Variants in SOCS6 observed in about 807,000 individuals in gnomAD.
The protein encoded by SOCS6 is suppressor of cytokine signaling 6.
SOCS6 carries 5 observed loss-of-function variants against 27.7 expected under a neutral mutation model. The observed-to-expected ratio is 0.18, with a 90% CI of 0.09 to 0.38. SOCS6 has a LOEUF of 0.38. SOCS6 is among the 10% of genes least tolerant of loss of function. The probability of loss-of-function intolerance (pLI) is 1.00; values close to 1 mark genes in which losing one functional copy is unlikely to be tolerated. For missense variants in SOCS6, 595 were observed against 688.1 expected, an observed-to-expected ratio of 0.86 and a Z score of 1.51; for synonymous variants, 271 against 260.0, an observed-to-expected ratio of 1.04 and a Z score of -0.41.
At chr18:70,292,790 A>G (rs971976737) in intron 1 of SOCS6, among the ~76,000 whole-genome samples, 1 of 152,146 alleles carries the variant, frequency 6.6e-6, no homozygotes, top group African/African-American at 2.4e-5. Flanking sequence ...TCAACAATCT[A>G]AGCTGCTTCC....
chr18:70,307,120 G>A (rs1116263), intron 1 of SOCS6, among the ~76,000 whole-genome samples: 50,245 of 151,924 alleles, frequency 0.33, 9,094 homozygotes, highest in East Asian at 0.73. Flanking sequence ...AAAATTAGCC[G>A]GGTGTGCTGG....
chr18:70,318,389 G>C (rs1910846646), intron 1 of SOCS6, among the ~76,000 whole-genome samples: 1 of 152,056 alleles, frequency 6.6e-6, no homozygotes, highest in Non-Finnish European at 1.5e-5. Context: ...CCCATGCCCG[G>C]GAGCTGTCTT....
intron 1 of SOCS6, among the ~76,000 whole-genome samples, chr18:70,299,837 A>G (rs749043196): frequency 3.9e-5 from 6 of 152,186 alleles, no homozygotes; most frequent in Non-Finnish European, 8.8e-5. Context: ...AAAATAATAT[A>G]ACCATTTATA....
chr18:70,295,018 C>T (rs1179815085), intron 1 of SOCS6, among the ~76,000 whole-genome samples: 2 of 152,138 alleles, frequency 1.3e-5, no homozygotes, highest in Non-Finnish European at 2.9e-5. Context: ...TATCTGAAGG[C>T]CTGGAAGGCA....
chr18:70,303,706 G>A (rs1301036973), intron 1 of SOCS6, among the ~76,000 whole-genome samples: 3 of 152,116 alleles, frequency 2.0e-5, no homozygotes, highest in South Asian at 2.1e-4. Context: ...CAGGAGAATC[G>A]CTTGAACCCG....
chr18:70,304,113 A>G (rs2062359400), intron 1 of SOCS6, among the ~76,000 whole-genome samples: 1 of 152,218 alleles, frequency 6.6e-6, no homozygotes, highest in Admixed American at 6.5e-5. Flanking sequence ...TTTTTAAGAC[A>G]ATAGAAGGGG....
intron 1 of SOCS6, among the ~76,000 whole-genome samples, chr18:70,316,224 A>G (rs2062410829): frequency 6.6e-6 from 1 of 152,074 alleles, no homozygotes; most frequent in Non-Finnish European, 1.5e-5. Context: ...TGAGTCATTT[A>G]AAGATGTTTG....
chr18:70,302,333 A>C (rs563942545), intron 1 of SOCS6, among the ~76,000 whole-genome samples: 1 of 151,234 alleles, frequency 6.6e-6, no homozygotes, highest in African/African-American at 2.5e-5. Flanking sequence ...TTCCAGGGGT[A>C]ATGAGAGTGT....
rs1568605923 is a variant in SOCS6 at position 70,325,208 on chromosome 18, T to G, written c.540T>G (p.Ser180=). 3 of 1,614,116 alleles carry G rather than the reference T, an allele frequency of 1.9e-6. No individual in the cohort carries two copies. The highest frequency in any genetic ancestry group is 2.5e-6 in the Non-Finnish European group (3 of 1,179,954). ...GVRKDFHDLQ[S]ETTCQEQANS... ...GGAAGGATTTCCACGACCTCCAGTC[T>G]GAGACCACGTGCCAGGAGCAAGCCA... The change falls in exon 2 of 2, where the codon TCT becomes TCG. Residue 180 remains serine, a synonymous_variant. Coordinates refer to ENST00000397942, the MANE Select transcript of SOCS6 (RefSeq NM_004232.4). This position sits in a 1 kb window ranked among gnomAD's most constrained non-coding sequence, Gnocchi z 6.3.
Position 70,323,839 on chromosome 18 carries a change from A to T in SOCS6, c.-126-704A>T, listed in dbSNP as rs2231549. 4.8e-3 allele frequency among the ~76,000 whole-genome samples: 726 copies of T among 152,336 alleles called. 6 individuals are homozygous for T. Among genetic ancestry groups the T allele is most frequent in the African/African-American group, 0.016 (684 of 41,572 alleles). On this transcript the variant is annotated intron_variant, in intron 1 of 1. Coordinates refer to ENST00000397942, the MANE Select transcript of SOCS6 (RefSeq NM_004232.4). ...CGCCTTTACTGTCGTGCCAGGACACAGGCTGGGACATGGCAGGCAGCGGAG... is the reference window on the plus strand; with the variant it reads ...CGCCTTTACTGTCGTGCCAGGACACTGGCTGGGACATGGCAGGCAGCGGAG...
chr18:70,312,749 C>A (rs2146282354), intron 1 of SOCS6, among the ~76,000 whole-genome samples: 1 of 150,296 alleles, frequency 6.7e-6, no homozygotes, highest in South Asian at 2.1e-4. Flanking sequence ...AGAACAATTT[C>A]CATTACGCCA....
chr18:70,318,289 TA>T (rs1458547355), intron 1 of SOCS6, among the ~76,000 whole-genome samples: 1 of 152,190 alleles, frequency 6.6e-6, no homozygotes, highest in Non-Finnish European at 1.5e-5. Flanking sequence ...TATTTTTATA[TA>T]AATAATTTTC....
intron 1 of SOCS6, among the ~76,000 whole-genome samples, chr18:70,299,754 G>A (rs144533454): frequency 1.1e-3 from 162 of 152,248 alleles, no homozygotes; most frequent in African/African-American, 3.8e-3. Context: ...ACTGTGCCAG[G>A]AACTAGAGAC....
intron 1 of SOCS6, among the ~76,000 whole-genome samples, chr18:70,305,849 C>G (rs78474017): frequency 6.6e-6 from 1 of 151,832 alleles, no homozygotes; most frequent in Non-Finnish European, 1.5e-5. Context: ...GTGTGCTAGT[C>G]GTTTTATTGT....
chr18:70,319,902 G>A (rs1293087556), intron 1 of SOCS6, among the ~76,000 whole-genome samples: 1 of 152,008 alleles, frequency 6.6e-6, no homozygotes, highest in Non-Finnish European at 1.5e-5. Context: ...TATTCCATGT[G>A]TTTTAACAGA....
At chr18:70,302,437 A>T (rs1030131227) in intron 1 of SOCS6, among the ~76,000 whole-genome samples, 20 of 152,136 alleles carry the variant, frequency 1.3e-4, no homozygotes, top group African/African-American at 4.8e-4. Context: ...TCCAGACAGC[A>T]TTAAGGACCC....
chr18:70,314,540 G>A (rs2062403785), intron 1 of SOCS6, among the ~76,000 whole-genome samples: 1 of 152,088 alleles, frequency 6.6e-6, no homozygotes, highest in Non-Finnish European at 1.5e-5. Context: ...TTACAGGTTT[G>A]TGGCCTAGAA....
chr18:70,317,217 C>T (rs1247073402), intron 1 of SOCS6, among the ~76,000 whole-genome samples: 7 of 152,172 alleles, frequency 4.6e-5, no homozygotes, highest in Admixed American at 1.3e-4. Context: ...CACACTTTCC[C>T]CTGAGTCTGC....
At position 70,326,504 on chromosome 18, in the gene SOCS6, T is replaced by C. The variant is rs1911215108; in HGVS notation, c.*228T>C. ...CTTGAGGTTTTAGAGGTGTGAATTA[T>C]GTTTCATCAATGTGCAGAATAATCA... is the stretch of plus-strand genomic sequence containing the variant. On this transcript the variant is annotated 3_prime_UTR_variant, in exon 2 of 2. Transcript: ENST00000397942. The C allele has an allele frequency of 9.5e-6, 5 of 528,138 alleles. No individual in the cohort carries two copies. The Admixed American group carries it at 1.5e-4, about 16-fold the overall frequency. The allele number at this position is 528,138 out of a possible 1,614,324, so 32.7% of individuals were successfully genotyped here. A position where few individuals can be genotyped will look rare whatever the true frequency, so the allele number is the denominator to read the frequency against.
Sources: gnomAD v4.1 joint callset for allele counts (sites outside exome capture counted in the v4.1 genomes callset) on GRCh38, gnomAD v4.1.1 for gene constraint, Gnocchi (gnomAD v3.1) non-coding constraint, MANE v1.5 for transcripts, NCBI Gene and HGNC (gene_info 2026-07-23, HGNC 2026-07-21) for gene names.